Variants in TMEM266 observed in about 807,000 individuals in gnomAD.
TMEM266 encodes transmembrane protein 266, also known as Hv1 related protein 1.
In TMEM266, 33 loss-of-function variants were observed where a neutral mutation model predicts 50.5. The observed-to-expected ratio is 0.65, with a 90% CI of 0.50 to 0.87. The LOEUF is 0.87. Ranked by LOEUF, TMEM266 falls within the 40% of genes least tolerant of loss-of-function variation. The probability of loss-of-function intolerance (pLI) is 0.00; values close to 1 mark genes in which losing one functional copy is unlikely to be tolerated. For synonymous variants in TMEM266, 310 were observed against 292.3 expected (o/e 1.06, Z -0.62); for missense variants, 655 against 695.1 (o/e 0.94, Z 0.65).
chr15:76,130,461 A>C (rs1206736756), intron 1 of TMEM266, among the ~76,000 whole-genome samples: 1 of 152,172 alleles, frequency 6.6e-6, no homozygotes, highest in Non-Finnish European at 1.5e-5. Flanking sequence ...GAATTGCTTG[A>C]ACTGGGATGT....
intron 1 of TMEM266, among the ~76,000 whole-genome samples, chr15:76,108,086 G>A (rs1268905605): frequency 6.6e-6 from 1 of 152,224 alleles, no homozygotes; most frequent in African/African-American, 2.4e-5. Flanking sequence ...CTCCAAGGAA[G>A]CCTGCACAAA....
At chr15:76,167,995 G>A (rs531099901) in intron 5 of TMEM266, among the ~76,000 whole-genome samples, 1 of 152,268 alleles carries the variant, frequency 6.6e-6, no homozygotes, top group East Asian at 1.9e-4. Context: ...ATAGTAGATG[G>A]CAGATATTAT....
chr15:76,134,173 T>C lies in TMEM266; in HGVS notation c.-91T>C. On this transcript the variant is annotated 5_prime_UTR_variant, in exon 2 of 11. Transcript: ENST00000388942. ...GTTCCTATTTTTGTTTTCAGGGCAC[T>C]ATATTTGTATGTGTCTTGTAGAACC... 7.0e-7 allele frequency: 1 copy of C among 1,428,090 alleles called. No homozygotes were observed. Among genetic ancestry groups the C allele is most frequent in the Admixed American group, 1.8e-5 (1 of 55,810 alleles). 88.5% of individuals were successfully genotyped at this position (1,428,090 alleles called of 1,614,324 possible).
At chr15:76,188,796 A>G (rs1177012892) in intron 8 of TMEM266, among the ~76,000 whole-genome samples, 2 of 152,218 alleles carry the variant, frequency 1.3e-5, no homozygotes, top group East Asian at 1.9e-4. Flanking sequence ...CATATCAAGC[A>G]TGATCACAAA....
At chr15:76,138,269 A>G (rs2037624613) in intron 3 of TMEM266, among the ~76,000 whole-genome samples, 1 of 146,528 alleles carries the variant, frequency 6.8e-6, no homozygotes, top group Non-Finnish European at 1.5e-5. Context: ...GTTTCTATGG[A>G]TATCTTCCAA....
At chr15:76,111,689 TGC>T (rs1256922899) in intron 1 of TMEM266, among the ~76,000 whole-genome samples, 2 of 152,182 alleles carry the variant, frequency 1.3e-5, no homozygotes, top group Admixed American at 1.3e-4. Context: ...ATTACAGGCA[TGC>T]GCCACCATGC....
intron 1 of TMEM266, among the ~76,000 whole-genome samples, chr15:76,116,544 C>T (rs1471043142): frequency 6.6e-6 from 1 of 152,076 alleles, no homozygotes; most frequent in Non-Finnish European, 1.5e-5. Context: ...AGCGTTCTCT[C>T]CTGCACCCAT....
chr15:76,162,426 A>G lies in TMEM266; in HGVS notation c.456+2258A>G, dbSNP rs1030714682. On this transcript the variant is annotated intron_variant, in intron 5 of 10. Transcript: ENST00000388942. ...AGAACCTTGTTACTAGAAGGGTCTC[A>G]TGGAGGTCTCCTGCCTCCAGACAGC... 1.5e-4 allele frequency among the ~76,000 whole-genome samples: 23 copies of G among 152,110 alleles called. 1 individual carries two copies. Among genetic ancestry groups the G allele is most frequent in the Admixed American group, 1.4e-3 (22 of 15,284 alleles).
chr15:76,194,958 A>G (rs1055793714), intron 9 of TMEM266, among the ~76,000 whole-genome samples: 2 of 152,052 alleles, frequency 1.3e-5, no homozygotes, highest in African/African-American at 2.4e-5. Context: ...ACCCCTGACG[A>G]TCTTGCCCCG....
chr15:76,080,479 G>A lies in TMEM266; in HGVS notation c.-97+20463G>A, dbSNP rs140264997. 7.5e-3 allele frequency among the ~76,000 whole-genome samples: 1,133 copies of A among 151,074 alleles called. 22 individuals are homozygous for A. The highest frequency in any genetic ancestry group is 0.026 in the African/African-American group (1,088 of 41,146). On this transcript the variant is annotated intron_variant, in intron 1 of 10. Transcript: ENST00000388942. ...GTTGGTCAGGTGGTCTCGAACTCCC[G>A]ACCTTGTGATCCGCCCGCCTTAGCC...
At chr15:76,183,766 C>A (rs1261663973) in intron 8 of TMEM266, among the ~76,000 whole-genome samples, 1 of 152,208 alleles carries the variant, frequency 6.6e-6, no homozygotes, top group Non-Finnish European at 1.5e-5. Context: ...GCCTCCCTGG[C>A]CTGTTTTCCT....
At chr15:76,100,165 C>A (rs2142003264) in intron 1 of TMEM266, among the ~76,000 whole-genome samples, 1 of 152,276 alleles carries the variant, frequency 6.6e-6, no homozygotes, top group South Asian at 2.1e-4. Flanking sequence ...GATACTCACC[C>A]AAGTTGACGT....
At chr15:76,084,192 T>C (rs2036737694) in intron 1 of TMEM266, among the ~76,000 whole-genome samples, 2 of 152,166 alleles carry the variant, frequency 1.3e-5, no homozygotes, top group African/African-American at 4.8e-5. Flanking sequence ...TACATGCCTA[T>C]AGTCCCAGCT....
chr15:76,168,987 C>G lies in TMEM266; in HGVS notation c.457-829C>G, dbSNP rs142677034. ...ACAGGGGCTTAAACAAGGCAAGGTCCATTTCTCTCTCACGGAAAAACACAT... is the reference window on the plus strand; with the variant it reads ...ACAGGGGCTTAAACAAGGCAAGGTCGATTTCTCTCTCACGGAAAAACACAT... On this transcript the variant is annotated intron_variant, in intron 5 of 10. Transcript: ENST00000388942. The surrounding 1 kb of genome is among the most constrained non-coding windows in gnomAD (Gnocchi z 4.4). Among the ~76,000 whole-genome samples, 12 of 152,334 alleles carry G rather than the reference C, an allele frequency of 7.9e-5. No homozygotes were observed. Among genetic ancestry groups the G allele is most frequent in the African/African-American group, 2.9e-4 (12 of 41,582 alleles).
Position 76,197,021 on chromosome 15 carries a change from AC to A in TMEM266, c.958+4866del, listed in dbSNP as rs544223271. 7.3e-3 allele frequency among the ~76,000 whole-genome samples: 1,108 copies of A among 152,282 alleles called. 18 individuals carry two copies. Among genetic ancestry groups the A allele is most frequent in the African/African-American group, 0.025 (1,055 of 41,564 alleles). On this transcript the variant is annotated intron_variant, in intron 9 of 10. Coordinates refer to ENST00000388942, the MANE Select transcript of TMEM266 (RefSeq NM_152335.3). ...CGGATTTCACCATATATCACAGGGA[AC>A]CTTCGCGTCCCCCACGCTGCTGCAG...
chr15:76,204,180 G>C lies in TMEM266; in HGVS notation c.1461G>C (p.Gln487His). ...AACACAGGGTAAGTCTGTTCAACCA[G>C]AAGAACCAGGAGGGCTTCACTGTCT... The change falls in exon 11 of 11, where the codon CAG becomes CAC. Residue 487 changes from glutamine (Q) to histidine (H), a missense_variant. Transcript: ENST00000388942. 5.0e-6 allele frequency: 8 copies of C among 1,613,828 alleles called. No homozygotes were observed. Among genetic ancestry groups the C allele is most frequent in the Non-Finnish European group, 6.8e-6 (8 of 1,180,010 alleles).
chr15:76,154,390 A>C (rs1271710954), intron 3 of TMEM266, among the ~76,000 whole-genome samples: 1 of 152,150 alleles, frequency 6.6e-6, no homozygotes, highest in East Asian at 1.9e-4. Context: ...TGCCGGCATG[A>C]AAGCAGAAAG....
intron 5 of TMEM266, among the ~76,000 whole-genome samples, chr15:76,163,999 A>C (rs1290629422): frequency 6.6e-6 from 1 of 152,082 alleles, no homozygotes; most frequent in Non-Finnish European, 1.5e-5. Flanking sequence ...AAGCACTTTC[A>C]TCACCCTCAA....
At chr15:76,085,954 A>G (rs1175845984) in intron 1 of TMEM266, among the ~76,000 whole-genome samples, 1 of 151,996 alleles carries the variant, frequency 6.6e-6, no homozygotes, top group East Asian at 1.9e-4. Context: ...AGGCTGAGGC[A>G]GGATAATTGA....
Sources: allele counts gnomAD v4.1 joint callset (sites outside exome capture counted in the v4.1 genomes callset), GRCh38; gene constraint gnomAD v4.1.1; non-coding constraint Gnocchi (gnomAD v3.1); transcripts MANE v1.5; gene names NCBI Gene and HGNC (gene_info 2026-07-23, HGNC 2026-07-21).